Variants in CTRC observed in about 807,000 individuals in gnomAD.
CTRC encodes the protein chymotrypsin C.
In CTRC, 32 loss-of-function variants were observed where a neutral mutation model predicts 35.7. The observed-to-expected ratio is 0.90, with a 90% CI of 0.68 to 1.20. The LOEUF (loss-of-function observed/expected upper bound fraction) is 1.20, where lower values mean the gene tolerates loss of function less well. CTRC is among the 50% of genes most tolerant of loss of function. CTRC has a pLI of 0.00. For synonymous variants in CTRC, 119 were observed against 149.5 expected (o/e 0.80, Z 1.49); for missense variants, 324 against 361.5 (o/e 0.90, Z 0.84).
At chr1:15,438,937 G>A (rs1415192648) in intron 1 of CTRC, among the ~76,000 whole-genome samples, 1 of 152,140 alleles carries the variant, frequency 6.6e-6, no homozygotes, top group African/African-American at 2.4e-5. Context: ...TGCAGGACCT[G>A]GAAAAGTCAT....
chr1:15,442,558 T>A lies in CTRC; in HGVS notation c.342T>A (p.Asn114Lys). Residue 114 changes from asparagine to lysine, a missense_variant, in exon 4 of 8, where the codon AAT (asparagine) becomes AAA (lysine). Asn to Lys is a moderately conservative substitution (Grantham distance 94). Coordinates refer to ENST00000375949, the MANE Select transcript of CTRC (RefSeq NM_007272.3). ...VDTIHVHKRW[N>K]ALLLRNDIAL... ...CCATCCACGTCCACAAGAGATGGAA[T>A]GCCCTCCTGTTGCGGTGAGTGACAG... is the stretch of plus-strand genomic sequence containing the variant. The A allele has an allele frequency of 6.2e-7, 1 of 1,614,106 alleles. No homozygotes were observed. Among genetic ancestry groups the A allele is most frequent in the Non-Finnish European group, 8.5e-7 (1 of 1,179,972 alleles).
chr1:15,441,024 A>T (rs1708125131), intron 3 of CTRC, among the ~76,000 whole-genome samples: 2 of 152,110 alleles, frequency 1.3e-5, no homozygotes, highest in African/African-American at 4.8e-5. Flanking sequence ...TACCGAAAAT[A>T]CAAAAATTAG....
At chr1:15,444,797 G>A in intron 6 of CTRC, 46 bp downstream of exon 6, 1 of 1,613,406 alleles carries the variant, frequency 6.2e-7, no homozygotes, top group Non-Finnish European at 8.5e-7. Flanking sequence ...AAGTGGCCAA[G>A]TGGATGTGGG....
chr1:15,440,242 C>CT, intron 1 of CTRC, 58 bp from the exon 2 acceptor site: 1 of 1,025,938 alleles, frequency 9.7e-7, no homozygotes, highest in Non-Finnish European at 1.5e-6. Context: ...CCTCCCACCC[C>CT]TTTCCCCGTG....
chr1:15,444,318 G>C (rs1333591559), intron 5 of CTRC, among the ~76,000 whole-genome samples: 1 of 152,020 alleles, frequency 6.6e-6, no homozygotes, highest in African/African-American at 2.4e-5. Flanking sequence ...TTTTTAATGG[G>C]TGACAGCAAA....
chr1:15,443,075 G>A (rs892262335), intron 4 of CTRC, among the ~76,000 whole-genome samples: 6 of 152,262 alleles, frequency 3.9e-5, no homozygotes, highest in Middle Eastern at 3.4e-3. Context: ...TGCAAGTGCC[G>A]TCTTTTGGCA....
chr1:15,443,913 A>T (rs1425222596), intron 5 of CTRC, among the ~76,000 whole-genome samples: 2 of 152,156 alleles, frequency 1.3e-5, no homozygotes, highest in South Asian at 2.1e-4. Flanking sequence ...AATGCAAATC[A>T]TGAAACTATG....
At chr1:15,440,150 G>A in intron 1 of CTRC, 150 bp from the exon 2 acceptor site, 2 of 717,840 alleles carry the variant, frequency 2.8e-6, no homozygotes, top group Non-Finnish European at 5.0e-6. Context: ...CTAGAGACCT[G>A]GGTGGCTTAC....
chr1:15,439,236 G>A (rs1362411916), intron 1 of CTRC, among the ~76,000 whole-genome samples: 1 of 151,958 alleles, frequency 6.6e-6, no homozygotes, highest in Non-Finnish European at 1.5e-5. Flanking sequence ...GACCAGTCTG[G>A]CCAACAAGAT....
chr1:15,440,230 AC>A, intron 1 of CTRC, 69 bp from the exon 2 acceptor site: 2 of 282,776 alleles, frequency 7.1e-6, no homozygotes, highest in East Asian at 1.1e-4. Flanking sequence ...CCACCTGCCC[AC>A]CCTCCCACCC....
rs557622458 is a variant in CTRC, at chr1:15,448,505, AT to A, written c.*1930del. On this transcript the variant is annotated 3_prime_UTR_variant, in exon 8 of 8. Transcript: ENST00000375949. ...AGGCGCCAGCCACCATGCCTGGCTA[AT>A]TTTTTTTTTTTTTGTATTTTTAGCA... 0.03 allele frequency: 4,337 copies of A among 142,414 alleles called. 180 individuals are homozygous for A. The highest frequency in any genetic ancestry group is 0.094 in the African/African-American group (3,656 of 39,002). The allele number at this position is 142,414 out of a possible 1,614,324, so 8.8% of individuals were successfully genotyped here.
Position 15,440,564 on chromosome 1 carries a change from C to T in CTRC, c.204C>T (p.Phe68=), listed in dbSNP as rs773793601. The T allele has an allele frequency of 6.8e-6, 11 of 1,614,084 alleles. No individual in the cohort carries two copies. The highest frequency in any genetic ancestry group is 6.6e-5 in the South Asian group (6 of 91,066). Reference sequence around the variant, plus strand: ...GCGGGACTTTGATTGCTAGCAACTTCGTCCTCACTGCCGCCCACTGCATCA... The same window carrying T: ...GCGGGACTTTGATTGCTAGCAACTTTGTCCTCACTGCCGCCCACTGCATCA... The part of the protein sequence containing the change: ...TCGGTLIASN[F]VLTAAHCISN... Residue 68 remains phenylalanine, a synonymous_variant, in exon 3 of 8, where the codon TTC becomes TTT. Coordinates refer to ENST00000375949, the MANE Select transcript of CTRC (RefSeq NM_007272.3).
At chr1:15,440,619 G>A in intron 3 of CTRC, 29 bp downstream of exon 3, 1 of 1,604,844 alleles carries the variant, frequency 6.2e-7, no homozygotes, top group Non-Finnish European at 8.5e-7. Flanking sequence ...CTGAGACCTG[G>A]CCATCGTCCG....
intron 3 of CTRC, among the ~76,000 whole-genome samples, chr1:15,441,666 A>G (rs1053022304): frequency 1.3e-5 from 2 of 151,304 alleles, no homozygotes; most frequent in Non-Finnish European, 2.9e-5. Flanking sequence ...ATATTGCAAC[A>G]TATTTCATTT....
In CTRC at chr1:15,446,597, C is replaced by T. The variant is rs1161619708; in HGVS notation, c.*8C>T. The T allele has an allele frequency of 6.2e-7, 1 of 1,613,458 alleles. No homozygotes were observed. The highest frequency in any genetic ancestry group is 8.5e-7 in the Non-Finnish European group (1 of 1,179,706). ...CAGAAAATGCAGCTGTGATTTGTTG[C>T]TGGGAGCGGCGGCAGCGAGTCCCTG... On this transcript the variant is annotated 3_prime_UTR_variant, in exon 8 of 8. Transcript: ENST00000375949.
In CTRC at chr1:15,440,497, C is replaced by T. The variant is rs1451404148; in HGVS notation, c.137C>T (p.Ser46Phe). The part of the protein sequence containing the change: ...ARPHSWPWQI[S>F]LQYLKNDTWR... ...GCCCTCCCCACCCTCCTGCAGATCT[C>T]CCTCCAGTACCTCAAGAACGACACG... Residue 46 changes from serine to phenylalanine, a missense_variant, in exon 3 of 8, where the codon TCC becomes TTC. By Grantham distance (155) the Ser-to-Phe change is radical (BLOSUM62 -2). Transcript: ENST00000375949. 1.2e-6 allele frequency: 2 copies of T among 1,614,030 alleles called. No individual in the cohort carries two copies. Among genetic ancestry groups the T allele is most frequent in the African/African-American group, 2.7e-5 (2 of 74,934 alleles).
chr1:15,440,162 C>T (rs751747097), intron 1 of CTRC, 138 bp from the exon 2 acceptor site: 1 of 788,690 alleles, frequency 1.3e-6, no homozygotes, highest in Non-Finnish European at 2.2e-6. Context: ...GTGGCTTACC[C>T]CCGTGACACA....
intron 7 of CTRC, 71 bp downstream of exon 7, chr1:15,445,820 A>G: frequency 6.5e-7 from 1 of 1,543,792 alleles, no homozygotes; most frequent in Admixed American, 1.7e-5. Flanking sequence ...CCCCTCACTC[A>G]TTCACTCATT....
Position 15,443,548 on chromosome 1 carries a change from C to T in CTRC, c.486C>T (p.Arg162=), listed in dbSNP as rs1238533301. The T allele has an allele frequency of 6.2e-7, 1 of 1,614,114 alleles. No individual in the cohort carries two copies. Among genetic ancestry groups the T allele is most frequent in the Non-Finnish European group, 8.5e-7 (1 of 1,180,056 alleles). The change falls in exon 5 of 8, where the codon CGC becomes CGT. Residue 162 remains arginine (R), a synonymous_variant. Transcript: ENST00000375949. The part of the protein sequence containing the change: ...DYPCYVTGWG[R]LWTNGPIADK... ...CCTGCTATGTCACCGGCTGGGGCCG[C>T]CTCTGGAGTGAGTATCGTCCCTGGC...
Sources: allele counts gnomAD v4.1 joint callset (sites outside exome capture counted in the v4.1 genomes callset), GRCh38; gene constraint gnomAD v4.1.1; transcripts MANE v1.5; gene names NCBI Gene and HGNC (gene_info 2026-07-23, HGNC 2026-07-21).